The following TMC5 variants were observed in gnomAD, a reference collection of about 807,000 sequenced individuals.
TMC5 encodes transmembrane channel like 5, also known as transmembrane channel-like protein 5.
In TMC5, 86 loss-of-function variants were observed where a neutral mutation model predicts 110.5. The observed-to-expected ratio is 0.78, with a 90% CI of 0.65 to 0.93. TMC5 has a LOEUF of 0.93. Ranked by LOEUF, TMC5 falls within the 40% of genes least tolerant of loss-of-function variation. The pLI is 0.00. For missense variants in TMC5, 1,144 were observed against 1,222.8 expected, an observed-to-expected ratio of 0.94 and a Z score of 0.96; for synonymous variants, 455 against 439.5, an observed-to-expected ratio of 1.04 and a Z score of -0.44.
intron 19 of TMC5, among the ~76,000 whole-genome samples, chr16:19,493,695 A>G (rs1035350621): frequency 8.5e-5 from 13 of 152,216 alleles, no homozygotes; most frequent in African/African-American, 2.6e-4. Context: ...TCCTGACCTC[A>G]AGTGATCCAC....
intron 5 of TMC5, among the ~76,000 whole-genome samples, chr16:19,455,223 G>A (rs924758751): frequency 9.2e-5 from 14 of 152,000 alleles, no homozygotes; most frequent in African/African-American, 2.9e-4. Context: ...TGAGGCAGGC[G>A]AATCACTTGA....
intron 13 of TMC5, among the ~76,000 whole-genome samples, chr16:19,478,539 T>C (rs1193086336): frequency 6.6e-6 from 1 of 152,126 alleles, no homozygotes; most frequent in Non-Finnish European, 1.5e-5. Context: ...TCCATCCATG[T>C]ATCCATCTAT....
chr16:19,422,227 T>C (rs1468920253), intron 1 of TMC5, among the ~76,000 whole-genome samples: 2 of 148,646 alleles, frequency 1.3e-5, no homozygotes, highest in African/African-American at 2.5e-5. Context: ...CTAGACTCCA[T>C]TTCAAAAAAA....
Position 19,497,152 on chromosome 16 carries a change from A to G in TMC5, c.2963A>G (p.Asp988Gly), listed in dbSNP as rs1221293698. Residue 988 changes from aspartate (D) to glycine (G), a missense_variant, in exon 21 of 22, where the codon GAT becomes GGT. Coordinates refer to ENST00000542583, the MANE Select transcript of TMC5 (RefSeq NM_001261841.2). The part of the protein sequence containing the change: ...QQGFLHLGEH[D>G]GSLDLRSRRS... ...GGCTTTTTGCATTTGGGGGAACATG[A>G]TGGCAGTCTTGGTGAGTAATTAAAC... 1.9e-6 allele frequency: 3 copies of G among 1,613,938 alleles called. No individual in the cohort carries two copies. Among genetic ancestry groups the G allele is most frequent in the African/African-American group, 1.3e-5 (1 of 74,922 alleles).
chr16:19,444,088 A>G lies in TMC5; in HGVS notation c.796A>G (p.Ser266Gly), dbSNP rs1967556464. 6.2e-7 allele frequency: 1 copy of G among 1,613,794 alleles called. No homozygotes were observed. Among genetic ancestry groups the G allele is most frequent in the East Asian group, 2.2e-5 (1 of 44,882 alleles). ...CATCATTTTGGATTTTAGGGTGCTC[A>G]GCAGAACATCTTCAATCCAGCCCTC... ...ETPKMTRGVL[S>G]RTSSIQPSFR... Residue 266 changes from serine (S) to glycine (G), a missense_variant, in exon 4 of 22, where the codon AGC (serine) becomes GGC (glycine). Physicochemically the swap from Ser to Gly is moderately conservative, Grantham distance 56. Transcript: ENST00000542583.
At chr16:19,457,396 AAAG>A (rs1473579926) in intron 5 of TMC5, among the ~76,000 whole-genome samples, 1 of 152,142 alleles carries the variant, frequency 6.6e-6, no homozygotes, top group Non-Finnish European at 1.5e-5. Flanking sequence ...CCTGTCTCTA[AAAG>A]AAGGACATTG....
chr16:19,471,196 C>T (rs908790467), intron 10 of TMC5, among the ~76,000 whole-genome samples: 16 of 152,030 alleles, frequency 1.1e-4, no homozygotes, highest in African/African-American at 3.9e-4. Flanking sequence ...TCCAGTTAGC[C>T]TCTCCCACCT....
chr16:19,464,125 GGT>G, intron 8 of TMC5, 101 bp downstream of exon 8: 1 of 1,352,162 alleles, frequency 7.4e-7, no homozygotes, highest in South Asian at 1.4e-5. Context: ...TTTGCCTGGG[GGT>G]CAACTGATGG....
intron 13 of TMC5, among the ~76,000 whole-genome samples, chr16:19,479,162 A>G (rs1377585142): frequency 6.6e-6 from 1 of 152,200 alleles, no homozygotes; most frequent in Non-Finnish European, 1.5e-5. Context: ...GAAAAGTTTT[A>G]CGGGGAGAGA....
chr16:19,456,825 G>A (rs770219936), intron 5 of TMC5: 1 of 1,614,176 alleles, frequency 6.2e-7, no homozygotes, highest in South Asian at 1.1e-5. Flanking sequence ...CTAGACTCAA[G>A]CATCAACATG....
chr16:19,456,742 A>G (rs985743195), intron 5 of TMC5: 3 of 1,613,156 alleles, frequency 1.9e-6, no homozygotes, highest in Admixed American at 1.7e-5. Flanking sequence ...AAATCATCAT[A>G]CAGGTTGAGA....
In TMC5 at chr16:19,472,459, C is replaced by T. The variant is rs189093702; in HGVS notation, c.1938+216C>T. On this transcript the variant is annotated intron_variant, in intron 11 of 21. Transcript: ENST00000542583. ...GCCGAGGCAGGAGGATCACCTGAAACCCAGGAGTTCGAGACCAGCCTGGGC... is the reference window on the plus strand; with the variant it reads ...GCCGAGGCAGGAGGATCACCTGAAATCCAGGAGTTCGAGACCAGCCTGGGC... Among the ~76,000 whole-genome samples, 123 of 152,090 alleles carry T rather than the reference C, an allele frequency of 8.1e-4. 2 individuals carry two copies. Among genetic ancestry groups the T allele is most frequent in the South Asian group, 5.6e-3 (27 of 4,808 alleles).
At position 19,474,116 on chromosome 16, in the gene TMC5, C is replaced by T; in HGVS notation, c.1939-9C>T. On this transcript the variant is annotated splice_polypyrimidine_tract_variant and intron_variant, in intron 11 of 21. Coordinates refer to ENST00000542583, the MANE Select transcript of TMC5 (RefSeq NM_001261841.2). Reference sequence around the variant, plus strand: ...GTCAGCCCTCCGTTCTCTCCCCCATCCCCTGCAGTTCCTGAAGACACACAG... The same window carrying T: ...GTCAGCCCTCCGTTCTCTCCCCCATTCCCTGCAGTTCCTGAAGACACACAG... 1.2e-6 allele frequency: 2 copies of T among 1,612,722 alleles called. No homozygotes were observed. Among genetic ancestry groups the T allele is most frequent in the South Asian group, 2.2e-5 (2 of 90,920 alleles).
intron 8 of TMC5, among the ~76,000 whole-genome samples, chr16:19,464,556 T>C (rs974377530): frequency 6.6e-6 from 1 of 152,232 alleles, no homozygotes. Flanking sequence ...GGCAAACATA[T>C]GGACACTTCT....
Position 19,497,124 on chromosome 16 carries a change from C to T in TMC5, c.2935C>T (p.Gln979Ter). ...LVLERREVEQ[Q>*]GFLHLGEHDG... ...TGCTTGTTTTTTTCTTTTTCAGCAA[C>T]AAGGCTTTTTGCATTTGGGGGAACA... The change falls in exon 21 of 22, where the codon CAA (glutamine) becomes TAA (stop). Residue 979 changes from glutamine (Q) to a stop codon, truncating the protein, a stop_gained. Coordinates refer to ENST00000542583, the MANE Select transcript of TMC5 (RefSeq NM_001261841.2). LOFTEE classifies it low-confidence loss of function (END_TRUNC). 2 of 1,613,904 alleles carry T rather than the reference C, an allele frequency of 1.2e-6. No individual in the cohort carries two copies. The highest frequency in any genetic ancestry group is 1.7e-6 in the Non-Finnish European group (2 of 1,179,948).
In TMC5 at chr16:19,472,069, G is replaced by C; in HGVS notation, c.1783-19G>C. ...AGCCACCATGCCCAGCCATAAACTT[G>C]ACTTTCTTATGTTTCTAGGAGAACC... On this transcript the variant is annotated intron_variant, in intron 10 of 21. Coordinates refer to ENST00000542583, the MANE Select transcript of TMC5 (RefSeq NM_001261841.2). 2 of 1,610,570 alleles carry C rather than the reference G, an allele frequency of 1.2e-6. No individual in the cohort carries two copies. The highest frequency in any genetic ancestry group is 1.7e-6 in the Non-Finnish European group (2 of 1,177,902).
At chr16:19,472,689 G>A (rs150201522) in intron 11 of TMC5, among the ~76,000 whole-genome samples, 1 of 152,224 alleles carries the variant, frequency 6.6e-6, no homozygotes, top group African/African-American at 2.4e-5. Context: ...TATGAGTCAT[G>A]TGATCATCTC....
chr16:19,484,904 C>T (rs16972060), intron 15 of TMC5, among the ~76,000 whole-genome samples: 5,880 of 148,376 alleles, frequency 0.04, 206 homozygotes, highest in East Asian at 0.13. Flanking sequence ...CTAACCTTTG[C>T]GGGTTTTAGG....
chr16:19,440,565 G>C lies in TMC5; in HGVS notation c.527G>C (p.Arg176Thr), dbSNP rs1484881021. 5 of 1,614,096 alleles carry C rather than the reference G, an allele frequency of 3.1e-6. No individual in the cohort carries two copies. The African/African-American group carries it at 5.3e-5, about 17-fold the overall frequency. The change falls in exon 3 of 22, where the codon AGA (arginine) becomes ACA (threonine). Residue 176 changes from arginine (R) to threonine (T), a missense_variant. Coordinates refer to ENST00000542583, the MANE Select transcript of TMC5 (RefSeq NM_001261841.2). ...AGCAACTCTGATCATCCTGGACCCA[G>C]AGCCAATTTGAACCATCCAGGATCC... ...AQSNSDHPGP[R>T]ANLNHPGSRK... is the part of the protein sequence containing the mutation.
Sources: allele counts gnomAD v4.1 joint callset (sites outside exome capture counted in the v4.1 genomes callset), GRCh38; gene constraint gnomAD v4.1.1; transcripts MANE v1.5; gene names NCBI Gene and HGNC (gene_info 2026-07-23, HGNC 2026-07-21).